Variants in KDM6B observed in about 807,000 individuals in gnomAD.
KDM6B encodes the protein lysine demethylase 6B.
KDM6B carries 22 observed loss-of-function variants against 150.4 expected under a neutral mutation model. The ratio of observed to expected loss-of-function variants is 0.15; its 90% CI spans 0.10 to 0.21. The LOEUF is 0.21. Ranked by LOEUF, KDM6B falls within the 10% of genes least tolerant of loss-of-function variation. The pLI is 1.00. For missense variants in KDM6B, 1,984 were observed against 2,234.3 expected (o/e 0.89, Z 2.26); for synonymous variants, 1,148 against 921.1 (o/e 1.25, Z -4.46).
chr17:7,852,547 C>G lies in KDM6B; in HGVS notation c.4521C>G (p.Asn1507Lys), dbSNP rs770823023. 1 of 1,614,166 alleles carries G rather than the reference C, an allele frequency of 6.2e-7. No homozygotes were observed. The highest frequency in any genetic ancestry group is 1.1e-5 in the South Asian group (1 of 91,088). ...LERYEWNEVK[N>K]VKSIVPMIHV... Reference sequence around the variant, plus strand: ...GATACGAGTGGAATGAGGTGAAGAACGTCAAATCCATCGTGCCCATGATTC... The same window carrying G: ...GATACGAGTGGAATGAGGTGAAGAAGGTCAAATCCATCGTGCCCATGATTC... Residue 1507 changes from asparagine (N) to lysine (K), a missense_variant, in exon 21 of 24, where the codon AAC (asparagine) becomes AAG (lysine). Around this residue, in one of 13 missense-constraint regions of KDM6B, gnomAD observed 41 missense variants for 158.8 expected, o/e 0.26. Coordinates refer to ENST00000448097, the MANE Select transcript of KDM6B (RefSeq NM_001348716.2).
chr17:7,851,453 C>CAGGT, intron 16 of KDM6B, 25 bp from the exon 17 acceptor site: 1 of 1,614,186 alleles, frequency 6.2e-7, no homozygotes, highest in South Asian at 1.1e-5. Context: ...TGCTCTCCAC[C>CAGGT]AACCTGTGCT....
In KDM6B at chr17:7,848,120, C is replaced by G. The variant is rs775136413; in HGVS notation, c.1832C>G (p.Pro611Arg). 1 of 1,613,056 alleles carries G rather than the reference C, an allele frequency of 6.2e-7. No homozygotes were observed. Among genetic ancestry groups the G allele is most frequent in the Non-Finnish European group, 8.5e-7 (1 of 1,179,890 alleles). ...ACTCTTGCCCTGCCTCCAGCCCCTC[C>G]TTCCTCCTGCCACCAAAATACCTCA... Reference protein sequence around the residue: ...PLTLALPPAPPSSCHQNTSGS... With the variant: ...PLTLALPPAPRSSCHQNTSGS... The change falls in exon 12 of 24, where the codon CCT becomes CGT. Residue 611 changes from proline (P) to arginine (R), a missense_variant. Transcript: ENST00000448097.
chr17:7,837,531 G>A (rs995552589), intron 1 of KDM6B, among the ~76,000 whole-genome samples: 2 of 152,146 alleles, frequency 1.3e-5, no homozygotes, highest in Admixed American at 1.3e-4. Context: ...GAATGAATCG[G>A]TTTGTGCTTT....
At chr17:7,835,968 C>T (rs890039861) in intron 1 of KDM6B, among the ~76,000 whole-genome samples, 1 of 152,272 alleles carries the variant, frequency 6.6e-6, no homozygotes, top group African/African-American at 2.4e-5. Context: ...CACCTCCCCC[C>T]AGCTGGCGCC....
In KDM6B at chr17:7,844,564, C is replaced by T. The variant is rs567176355; in HGVS notation, c.-268-337C>T. The stretch of plus-strand genomic sequence containing the variant: ...GGACGTCTTTTTTGCGTTCTGCATC[C>T]GTCTGTCGTCCGTCGGTCTTACGGT... On this transcript the variant is annotated intron_variant, in intron 2 of 23. Coordinates refer to ENST00000448097, the MANE Select transcript of KDM6B (RefSeq NM_001348716.2). The surrounding 1 kb of genome is among the most constrained non-coding windows in gnomAD (Gnocchi z 5.9). Among the ~76,000 whole-genome samples, 6 of 152,262 alleles carry T rather than the reference C, an allele frequency of 3.9e-5. No homozygotes were observed. In the South Asian group the frequency reaches 1.2e-3, roughly 32 times the overall value.
chr17:7,852,004 G>A lies in KDM6B; in HGVS notation c.4219G>A (p.Asp1407Asn). Residue 1407 changes from aspartate to asparagine, a missense_variant, in exon 19 of 24, where the codon GAC becomes AAC. Coordinates refer to ENST00000448097, the MANE Select transcript of KDM6B (RefSeq NM_001348716.2). ...CGTCAACATCAACATTGGCCCAGGC[G>A]ACTGCGAGTGGTTCGCGGTGCACGA... ...CSVNINIGPG[D>N]CEWFAVHEHY... 6.2e-7 allele frequency: 1 copy of A among 1,614,108 alleles called. No homozygotes were observed. Among genetic ancestry groups the A allele is most frequent in the East Asian group, 2.2e-5 (1 of 44,888 alleles).
At chr17:7,849,797 C>T (rs1377106354) in intron 12 of KDM6B, 24 bp from the exon 13 acceptor site, 2 of 1,612,906 alleles carry the variant, frequency 1.2e-6, no homozygotes, top group Non-Finnish European at 8.5e-7. Flanking sequence ...ATGTTTCTGT[C>T]TTCATTCCAC....
At position 7,849,030 on chromosome 17, in the gene KDM6B, A is replaced by G; in HGVS notation, c.2742A>G (p.Leu914=). The G allele has an allele frequency of 6.2e-7, 1 of 1,604,824 alleles. No individual in the cohort carries two copies. The highest frequency in any genetic ancestry group is 1.1e-5 in the South Asian group (1 of 90,776). The change falls in exon 12 of 24, where the codon CTA becomes CTG. Residue 914 remains leucine, a synonymous_variant. Transcript: ENST00000448097. Reference sequence around the variant, plus strand: ...CTGCTCGCTCTGAGTCTGAGGTGCTAGAAGAGATCAGCCGGGCTTGCGAGA... The same window carrying G: ...CTGCTCGCTCTGAGTCTGAGGTGCTGGAAGAGATCAGCCGGGCTTGCGAGA... ...LPPARSESEV[L]EEISRACETL... is the part of the protein sequence containing the mutation.
At position 7,851,487 on chromosome 17, in the gene KDM6B, A is replaced by C. The variant is rs1231337152; in HGVS notation, c.3954A>C (p.Pro1318=). 6.2e-7 allele frequency: 1 copy of C among 1,614,186 alleles called. No homozygotes were observed. Among genetic ancestry groups the C allele is most frequent in the Non-Finnish European group, 8.5e-7 (1 of 1,180,030 alleles). The part of the protein sequence containing the change: ...STTGTPPSSA[P]DPKNHHIIKF... Reference sequence around the variant, plus strand: ...CTCTTCGCCCCAGCAGCAGCGCACCAGACCCGAAGAACCATCACATCATCA... The same window carrying C: ...CTCTTCGCCCCAGCAGCAGCGCACCCGACCCGAAGAACCATCACATCATCA... Residue 1318 remains proline (P), a synonymous_variant, in exon 17 of 24, where the codon CCA becomes CCC. Coordinates refer to ENST00000448097, the MANE Select transcript of KDM6B (RefSeq NM_001348716.2).
At position 7,846,080 on chromosome 17, in the gene KDM6B, C is replaced by T. The variant is rs371262190; in HGVS notation, c.239C>T (p.Ala80Val). 30 of 891,742 alleles carry T rather than the reference C, an allele frequency of 3.4e-5. No homozygotes were observed. The highest frequency in any genetic ancestry group is 4.4e-5 in the Non-Finnish European group (27 of 611,102). The allele number at this position is 891,742 out of a possible 1,614,324, so 55.2% of individuals were successfully genotyped here. The change falls in exon 7 of 24, where the codon GCG becomes GTG. Residue 80 changes from alanine to valine, a missense_variant and splice_region_variant. Physicochemically the swap from Ala to Val is moderately conservative, Grantham distance 64. Transcript: ENST00000448097. Reference sequence around the variant, plus strand: ...CCCCCACCCCTTCTGCTCTGTAGGGCGCCCACTCCAAGACCCCTCCATGGG... The same window carrying T: ...CCCCCACCCCTTCTGCTCTGTAGGGTGCCCACTCCAAGACCCCTCCATGGG... ...HPSKPYYAPG[A>V]PTPRPLHGKL...
intron 14 of KDM6B, among the ~76,000 whole-genome samples, chr17:7,850,602 T>C (rs989276312): frequency 2.0e-5 from 3 of 152,234 alleles, no homozygotes; most frequent in African/African-American, 4.8e-5. Context: ...TTGAAGCACA[T>C]TTCAGGCTTT....
Position 7,849,006 on chromosome 17 carries a change from T to G in KDM6B, c.2718T>G (p.Pro906=), listed in dbSNP as rs754466779. ...CGCCCCCACCCCTATCTCTGCCCCC[T>G]GCTCGCTCTGAGTCTGAGGTGCTAG... is the stretch of plus-strand genomic sequence containing the variant. ...TQPPPPLSLP[P]ARSESEVLEE... is the part of the protein sequence containing the mutation. The change falls in exon 12 of 24, where the codon CCT becomes CCG. Residue 906 remains proline, a synonymous_variant. Coordinates refer to ENST00000448097, the MANE Select transcript of KDM6B (RefSeq NM_001348716.2). 1.2e-6 allele frequency: 1 copy of G among 855,828 alleles called. No homozygotes were observed. The highest frequency in any genetic ancestry group is 5.5e-5 in the East Asian group (1 of 18,042). 53.0% of individuals were successfully genotyped at this position (855,828 alleles called of 1,614,324 possible). A position where few individuals can be genotyped will look rare whatever the true frequency, so the allele number is the denominator to read the frequency against.
intron 1 of KDM6B, among the ~76,000 whole-genome samples, chr17:7,835,778 A>T (rs956941545): frequency 2.4e-5 from 3 of 125,834 alleles, no homozygotes; most frequent in African/African-American, 9.1e-5. Flanking sequence ...GCGCCCGAGC[A>T]CCCCCTTGCG....
chr17:7,837,373 CAAG>C (rs1298106079), intron 1 of KDM6B, among the ~76,000 whole-genome samples: 2 of 152,126 alleles, frequency 1.3e-5, no homozygotes, highest in African/African-American at 4.8e-5. Flanking sequence ...GGAAAAGGGT[CAAG>C]AAACAGTATT....
chr17:7,852,927 T>G, intron 21 of KDM6B, 73 bp from the exon 22 acceptor site: 1 of 1,604,044 alleles, frequency 6.2e-7, no homozygotes, highest in Non-Finnish European at 8.5e-7. Context: ...TGCCCACCCC[T>G]CTGCCCTTGC....
In KDM6B at chr17:7,849,164, A is replaced by G. The variant is rs753078272; in HGVS notation, c.2876A>G (p.Lys959Arg). Residue 959 changes from lysine to arginine, a missense_variant, in exon 12 of 24, where the codon AAG (lysine) becomes AGG (arginine). Physicochemically the swap from Lys to Arg is conservative, Grantham distance 26. Around this residue, in one of 13 missense-constraint regions of KDM6B, gnomAD observed 1,379 missense variants for 1,275.6 expected, o/e 1.08. Coordinates refer to ENST00000448097, the MANE Select transcript of KDM6B (RefSeq NM_001348716.2). The stretch of plus-strand genomic sequence containing the variant: ...CGACTGCTGCCCCCCGCACAGGCCA[A>G]GGAGGAGGCTGGCGGGGTGGCGGCA... ...TERLLPPAQA[K>R]EEAGGVAAVS... 1 of 1,611,164 alleles carries G rather than the reference A, an allele frequency of 6.2e-7. No individual in the cohort carries two copies. The highest frequency in any genetic ancestry group is 2.2e-5 in the East Asian group (1 of 44,760).
intron 14 of KDM6B, 94 bp downstream of exon 14, chr17:7,850,271 A>C (rs2078664993): frequency 1.0e-6 from 1 of 988,372 alleles, no homozygotes; most frequent in African/African-American, 1.6e-5. Context: ...GACTCATGAC[A>C]GTGGCCGTGA....
chr17:7,841,181 T>C (rs1310697199), intron 2 of KDM6B, among the ~76,000 whole-genome samples: 5 of 152,178 alleles, frequency 3.3e-5, no homozygotes, highest in Admixed American at 1.3e-4. Context: ...TGTAAAATAC[T>C]TAATACAGTG....
intron 14 of KDM6B, among the ~76,000 whole-genome samples, chr17:7,850,408 T>G (rs1044481156): frequency 4.6e-5 from 7 of 152,190 alleles, no homozygotes; most frequent in African/African-American, 1.4e-4. Context: ...TTTTGGTGAT[T>G]AAGGAAGAGA....
Sources: gnomAD v4.1 joint callset for allele counts (sites outside exome capture counted in the v4.1 genomes callset) on GRCh38, gnomAD v4.1.1 for gene constraint, gnomAD v4.1.1 regional missense constraint, Gnocchi (gnomAD v3.1) non-coding constraint, MANE v1.5 for transcripts, NCBI Gene and HGNC (gene_info 2026-07-23, HGNC 2026-07-21) for gene names.